HACD4: variants seen among roughly 807,000 people sequenced by gnomAD.
HACD4 encodes 3-hydroxyacyl-CoA dehydratase 4, also known as very-long-chain (3R)-3-hydroxyacyl-CoA dehydratase 4.
HACD4 carries 35 observed loss-of-function variants against 33.3 expected under a neutral mutation model. The observed-to-expected ratio is 1.05, with a 90% CI of 0.80 to 1.39. The LOEUF (loss-of-function observed/expected upper bound fraction) is 1.39. Among genes scored for constraint, HACD4 ranks in the 40% most tolerant of loss-of-function variants. HACD4 has a pLI of 0.00. For synonymous variants in HACD4, 118 were observed against 98.0 expected (o/e 1.20, Z -1.21); for missense variants, 323 against 276.5 (o/e 1.17, Z -1.19).
In HACD4 at chr9:21,006,583, A is replaced by C. The variant is rs972318278; in HGVS notation, c.*454T>G. 2 of 210,678 alleles carry C rather than the reference A, an allele frequency of 9.5e-6. No homozygotes were observed. Among genetic ancestry groups the C allele is most frequent in the African/African-American group, 4.8e-5 (2 of 41,746 alleles). 13.1% of individuals were successfully genotyped at this position (210,678 alleles called of 1,614,324 possible). A position where few individuals can be genotyped will look rare whatever the true frequency, so the allele number is the denominator to read the frequency against. On this transcript the variant is annotated 3_prime_UTR_variant, in exon 7 of 7. Coordinates refer to ENST00000495827, the MANE Select transcript of HACD4 (RefSeq NM_001010915.5). The surrounding 1 kb of genome is among the most constrained non-coding windows in gnomAD (Gnocchi z 4.6). ...CTGAAGACAGACATCTGTCTATGAA[A>C]TATGTTATTCTAGGCAACTGTGGAA...
rs1179201378 is a variant in HACD4 at position 21,002,435 on chromosome 9, T to C, written c.*4602A>G. On this transcript the variant is annotated 3_prime_UTR_variant, in exon 7 of 7. Transcript: ENST00000495827. ...AAATGGAGGAAACTTGCAGACATTA[T>C]GCTAAGTGAAATAAGCCAATTACGA... 2 of 152,166 alleles carry C rather than the reference T, an allele frequency of 1.3e-5. No homozygotes were observed. The highest frequency in any genetic ancestry group is 2.4e-5 in the African/African-American group (1 of 41,444). The allele number at this position is 152,166 out of a possible 1,614,324, so 9.4% of individuals were successfully genotyped here. A position where few individuals can be genotyped will look rare whatever the true frequency, so the allele number is the denominator to read the frequency against.
At chr9:21,015,149 CAT>C (rs1378870793) in intron 4 of HACD4, 2 of 152,186 alleles carry the variant, frequency 1.3e-5, no homozygotes, top group African/African-American at 2.4e-5. Context: ...ATTATTTAAA[CAT>C]ATTTTAATTC....
At position 21,006,123 on chromosome 9, in the gene HACD4, G is replaced by C. The variant is rs1842262635; in HGVS notation, c.*914C>G. 6.6e-6 allele frequency: 1 copy of C among 152,194 alleles called. No individual in the cohort carries two copies. The highest frequency in any genetic ancestry group is 2.4e-5 in the African/African-American group (1 of 41,446). 9.4% of individuals were successfully genotyped at this position (152,194 alleles called of 1,614,324 possible). A position where few individuals can be genotyped will look rare whatever the true frequency, so the allele number is the denominator to read the frequency against. On this transcript the variant is annotated 3_prime_UTR_variant, in exon 7 of 7. Transcript: ENST00000495827. This position sits in a 1 kb window ranked among gnomAD's most constrained non-coding sequence, Gnocchi z 4.6. ...TGCATGTGAGGAGGACATGAATTTT[G>C]TAGGACCAGGTACAGAATGCTATGG...
rs1298378035 is a variant in HACD4 at position 21,003,508 on chromosome 9, G to A, written c.*3529C>T. The A allele has an allele frequency of 6.6e-6, 1 of 151,924 alleles. No individual in the cohort carries two copies. The highest frequency in any genetic ancestry group is 1.5e-5 in the Non-Finnish European group (1 of 67,962). 9.4% of individuals were successfully genotyped at this position (151,924 alleles called of 1,614,324 possible). On this transcript the variant is annotated 3_prime_UTR_variant, in exon 7 of 7. Transcript: ENST00000495827. Reference sequence around the variant, plus strand: ...TAACTATAAAAGCAGAAAAAATGTAGCTTTTTAAAAGGATAATTTTTTAAA... The same window carrying A: ...TAACTATAAAAGCAGAAAAAATGTAACTTTTTAAAAGGATAATTTTTTAAA...
chr9:21,029,630 T>C (rs1202411152), intron 1 of HACD4, among the ~76,000 whole-genome samples: 1 of 152,236 alleles, frequency 6.6e-6, no homozygotes, highest in Non-Finnish European at 1.5e-5. Flanking sequence ...AGTTACGTCC[T>C]GGTACACCCC....
chr9:21,026,513 C>G (rs928396306), intron 3 of HACD4, 83 bp downstream of exon 3: 8 of 1,149,650 alleles, frequency 7.0e-6, no homozygotes, highest in Non-Finnish European at 8.7e-6. Flanking sequence ...GGCTTTCTAA[C>G]TGCCATAAAG....
chr9:21,007,903 T>G (rs1045528430), intron 6 of HACD4, 118 bp downstream of exon 6: 2 of 841,930 alleles, frequency 2.4e-6, no homozygotes, highest in Non-Finnish European at 3.5e-6. Context: ...TAGTTCATGA[T>G]GTCAGGCTTC....
intron 4 of HACD4, chr9:21,015,312 C>CA (rs1215858937): frequency 1.3e-5 from 2 of 152,166 alleles, no homozygotes; most frequent in African/African-American, 2.4e-5. Flanking sequence ...TAGGACACCT[C>CA]CCCAGAGTGA....
rs945018648 is a variant in HACD4, at chr9:21,005,299, G to C, written c.*1738C>G. On this transcript the variant is annotated 3_prime_UTR_variant, in exon 7 of 7. Coordinates refer to ENST00000495827, the MANE Select transcript of HACD4 (RefSeq NM_001010915.5). This position sits in a 1 kb window ranked among gnomAD's most constrained non-coding sequence, Gnocchi z 4.0. ...TGAAGACAGAATTCTTAACAAAAACGGAACCAGAACTTAAAAGATGTGGGA... is the reference window on the plus strand; with the variant it reads ...TGAAGACAGAATTCTTAACAAAAACCGAACCAGAACTTAAAAGATGTGGGA... 2 of 152,186 alleles carry C rather than the reference G, an allele frequency of 1.3e-5. No homozygotes were observed. The highest frequency in any genetic ancestry group is 4.8e-5 in the African/African-American group (2 of 41,446). The allele number at this position is 152,186 out of a possible 1,614,324, so 9.4% of individuals were successfully genotyped here.
chr9:21,015,432 G>A (rs1842533397), intron 4 of HACD4: 1 of 153,374 alleles, frequency 6.5e-6, no homozygotes, highest in Non-Finnish European at 1.5e-5. Flanking sequence ...AAGGACTTAA[G>A]TTAGTCATTT....
chr9:21,011,756 A>G (rs1842444603), intron 4 of HACD4, 61 bp from the exon 5 acceptor site: 1 of 812,866 alleles, frequency 1.2e-6, no homozygotes, highest in Non-Finnish European at 2.1e-6. Context: ...AAATAGGAGA[A>G]ACTACTGTGT....
chr9:21,031,460 G>A (rs1185665764), intron 1 of HACD4, 93 bp downstream of exon 1: 2 of 1,354,234 alleles, frequency 1.5e-6, no homozygotes, highest in Non-Finnish European at 1.9e-6. Flanking sequence ...GCGGGCGGGG[G>A]GTGCCGCCCG....
At chr9:21,011,500 T>C (rs923211633) in intron 5 of HACD4, 89 bp downstream of exon 5, 26 of 790,848 alleles carry the variant, frequency 3.3e-5, no homozygotes, top group Admixed American at 3.0e-4. Flanking sequence ...TTCGCAAAAA[T>C]AGTAATTTAA....
chr9:21,014,630 A>G (rs1842513827), intron 4 of HACD4, among the ~76,000 whole-genome samples: 1 of 152,192 alleles, frequency 6.6e-6, no homozygotes, highest in East Asian at 1.9e-4. Flanking sequence ...CTAGGATAGT[A>G]GTGATGATTG....
chr9:21,007,121 T>TAATA lies in HACD4; in HGVS notation c.617-6_617-3dup. 1 of 1,444,006 alleles carries TAATA rather than the reference T, an allele frequency of 6.9e-7. No homozygotes were observed. The highest frequency in any genetic ancestry group is 9.8e-7 in the Non-Finnish European group (1 of 1,025,504). The allele number at this position is 1,444,006 out of a possible 1,614,324, so 89.4% of individuals were successfully genotyped here. On this transcript the variant is annotated splice_region_variant and splice_polypyrimidine_tract_variant and intron_variant, in intron 6 of 6. Coordinates refer to ENST00000495827, the MANE Select transcript of HACD4 (RefSeq NM_001010915.5). ...GATGACTGTAGGTAAAATACATACCTAATATGGAGAAAGAAGTTGCAAAAG... is the reference window on the plus strand; with the variant it reads ...GATGACTGTAGGTAAAATACATACCTAATAAATATGGAGAAAGAAGTTGCAAAAG...
At chr9:21,026,465 A>G (rs1818062609) in intron 3 of HACD4, 131 bp downstream of exon 3, 1 of 722,314 alleles carries the variant, frequency 1.4e-6, no homozygotes, top group Non-Finnish European at 2.3e-6. Flanking sequence ...TCCTTCCATG[A>G]AATTAATTCT....
At chr9:21,015,617 AGG>A in intron 4 of HACD4, 1 of 255,230 alleles carries the variant, frequency 3.9e-6, no homozygotes. Flanking sequence ...TGCCTTTGTT[AGG>A]AAACAGCTGA....
At chr9:21,025,265 C>A (rs1243454629) in intron 3 of HACD4, among the ~76,000 whole-genome samples, 1 of 152,052 alleles carries the variant, frequency 6.6e-6, no homozygotes, top group African/African-American at 2.4e-5. Context: ...TAAAATATTC[C>A]ATAAACTTGT....
chr9:21,028,030 G>A (rs560195271), intron 2 of HACD4, among the ~76,000 whole-genome samples: 11 of 151,510 alleles, frequency 7.3e-5, no homozygotes, highest in African/African-American at 2.4e-4. Flanking sequence ...AGCTACTCAG[G>A]GAACTGAGGC....
Sources: allele counts gnomAD v4.1 joint callset (sites outside exome capture counted in the v4.1 genomes callset), GRCh38; gene constraint gnomAD v4.1.1; non-coding constraint Gnocchi (gnomAD v3.1); transcripts MANE v1.5; gene names NCBI Gene and HGNC (gene_info 2026-07-23, HGNC 2026-07-21).